ADAMTSL3: variants seen among roughly 807,000 people sequenced by gnomAD.
The protein encoded by ADAMTSL3 is ADAMTS-like protein 3.
Under a neutral mutation model 201.7 loss-of-function variants are expected in ADAMTSL3, and 128 were observed. The observed-to-expected ratio is 0.63, with a 90% CI of 0.55 to 0.73. The LOEUF (loss-of-function observed/expected upper bound fraction) is 0.73. ADAMTSL3 is among the 30% of genes least tolerant of loss of function. The pLI, the probability that ADAMTSL3 is intolerant of heterozygous loss-of-function variation, is 0.00. For synonymous variants in ADAMTSL3, 738 were observed against 748.4 expected (o/e 0.99, Z 0.23); for missense variants, 1,990 against 2,119.6 (o/e 0.94, Z 1.20).
chr15:83,715,150 A>G (rs955336391), intron 3 of ADAMTSL3, among the ~76,000 whole-genome samples: 4 of 152,076 alleles, frequency 2.6e-5, no homozygotes, highest in African/African-American at 9.7e-5. Context: ...TGCATCATGA[A>G]CTGTTTCAAG....
At chr15:83,941,485 T>C (rs2066559046) in intron 17 of ADAMTSL3, among the ~76,000 whole-genome samples, 1 of 152,132 alleles carries the variant, frequency 6.6e-6, no homozygotes, top group Admixed American at 6.5e-5. Context: ...ATTATTCAGA[T>C]TTTTTTCTGC....
At chr15:83,907,507 A>G (rs1258430477) in intron 15 of ADAMTSL3, among the ~76,000 whole-genome samples, 5 of 152,168 alleles carry the variant, frequency 3.3e-5, no homozygotes, top group South Asian at 2.1e-4. Context: ...GCTTCAAGCA[A>G]TTCTGCCTCA....
rs778387761 is a variant in ADAMTSL3 at position 83,858,796 on chromosome 15, G to A, written c.758G>A (p.Gly253Glu). The change falls in exon 8 of 30, where the codon GGA becomes GAA. Residue 253 changes from glycine to glutamate, a missense_variant. By Grantham distance (98) the Gly-to-Glu change is moderately conservative. Coordinates refer to ENST00000286744, the MANE Select transcript of ADAMTSL3 (RefSeq NM_207517.3). ...REENVIAVPL[G>E]SRSVRITVKG... ...GAAAATGTAATTGCTGTTCCTTTGGGAAGTCGAAGTGTGAGAATTACAGTG... is the reference window on the plus strand; with the variant it reads ...GAAAATGTAATTGCTGTTCCTTTGGAAAGTCGAAGTGTGAGAATTACAGTG... 1.9e-6 allele frequency: 3 copies of A among 1,613,798 alleles called. No homozygotes were observed. The highest frequency in any genetic ancestry group is 1.3e-5 in the African/African-American group (1 of 75,016).
intron 27 of ADAMTSL3, among the ~76,000 whole-genome samples, chr15:84,026,904 A>G (rs2068321655): frequency 1.3e-5 from 2 of 152,232 alleles, no homozygotes; most frequent in Admixed American, 1.3e-4. Context: ...ATAAGCAACA[A>G]CAACAAAAAT....
intron 3 of ADAMTSL3, chr15:83,740,173 CAGGG>C: frequency 4.1e-6 from 1 of 245,282 alleles, no homozygotes. Context: ...GACCAGTGCA[CAGGG>C]CTTTAGGGTT....
chr15:83,934,786 C>T (rs984177550), intron 17 of ADAMTSL3, among the ~76,000 whole-genome samples: 7 of 151,916 alleles, frequency 4.6e-5, no homozygotes, highest in Non-Finnish European at 7.4e-5. Flanking sequence ...CAAAAATATG[C>T]TAAGAAAAGA....
intron 3 of ADAMTSL3, among the ~76,000 whole-genome samples, chr15:83,747,866 C>G (rs1410302350): frequency 1.3e-5 from 2 of 150,940 alleles, no homozygotes; most frequent in Non-Finnish European, 2.9e-5. Context: ...CATGGGTCAT[C>G]CTAGATGGAC....
chr15:83,798,361 A>G (rs12441269), intron 4 of ADAMTSL3, among the ~76,000 whole-genome samples: 22,763 of 152,220 alleles, frequency 0.15, 2,289 homozygotes, highest in Middle Eastern at 0.32. Context: ...ATGTGTATAT[A>G]TGTATTTGTG....
At chr15:83,969,874 CT>C (rs1283405953) in intron 19 of ADAMTSL3, among the ~76,000 whole-genome samples, 1 of 152,152 alleles carries the variant, frequency 6.6e-6, no homozygotes, top group Non-Finnish European at 1.5e-5. Context: ...GAAGGTAGAT[CT>C]TATGTGAAGT....
At chr15:83,732,866 C>T (rs1370462275) in intron 3 of ADAMTSL3, among the ~76,000 whole-genome samples, 1 of 152,038 alleles carries the variant, frequency 6.6e-6, no homozygotes, top group Non-Finnish European at 1.5e-5. Flanking sequence ...GATATGGTGT[C>T]ATTCCGAATG....
chr15:83,827,217 A>G (rs1471521750), intron 6 of ADAMTSL3, among the ~76,000 whole-genome samples: 1 of 152,138 alleles, frequency 6.6e-6, no homozygotes, highest in African/African-American at 2.4e-5. Flanking sequence ...CTGGTGTGAG[A>G]TGGTATCTCA....
At chr15:83,890,597 A>C (rs1230121514) in intron 11 of ADAMTSL3, 1 of 195,734 alleles carries the variant, frequency 5.1e-6, no homozygotes. Context: ...ACTCATTATC[A>C]TCTTTTGGCT....
chr15:83,762,290 G>A (rs2062820021), intron 3 of ADAMTSL3, among the ~76,000 whole-genome samples: 1 of 152,182 alleles, frequency 6.6e-6, no homozygotes, highest in African/African-American at 2.4e-5. Context: ...AGGGAGTAGA[G>A]TTTAGACACT....
At chr15:83,891,990 G>A (rs936282924) in intron 12 of ADAMTSL3, among the ~76,000 whole-genome samples, 5 of 152,158 alleles carry the variant, frequency 3.3e-5, no homozygotes, top group Non-Finnish European at 5.9e-5. Flanking sequence ...TAAGGCAGGC[G>A]GATCACTTGA....
intron 23 of ADAMTSL3, among the ~76,000 whole-genome samples, chr15:84,003,207 T>C (rs952750142): frequency 6.6e-6 from 1 of 151,980 alleles, no homozygotes; most frequent in African/African-American, 2.4e-5. Flanking sequence ...TACCTCAGCC[T>C]CCCAAAGTAC....
chr15:83,850,305 C>G (rs545734711), intron 7 of ADAMTSL3, among the ~76,000 whole-genome samples: 100 of 152,106 alleles, frequency 6.6e-4, no homozygotes, highest in African/African-American at 2.3e-3. Flanking sequence ...CCCTCTCTTT[C>G]CTTTATCTTC....
At chr15:83,741,193 G>T (rs12593547) in intron 3 of ADAMTSL3, among the ~76,000 whole-genome samples, 16,674 of 150,582 alleles carry the variant, frequency 0.11, 1,056 homozygotes, top group East Asian at 0.28. Flanking sequence ...TTAATAGATA[G>T]CAATTAGTTA....
intron 10 of ADAMTSL3, among the ~76,000 whole-genome samples, chr15:83,887,797 C>T (rs1260015397): frequency 6.6e-6 from 1 of 152,138 alleles, no homozygotes; most frequent in Non-Finnish European, 1.5e-5. Context: ...CACTATGTTG[C>T]CCAGGCTGGT....
chr15:83,727,230 T>C (rs1382991380), intron 3 of ADAMTSL3, among the ~76,000 whole-genome samples: 1 of 151,936 alleles, frequency 6.6e-6, no homozygotes, highest in Non-Finnish European at 1.5e-5. Flanking sequence ...TTCTTTGGTG[T>C]CTCTTATAAT....
Sources: allele counts gnomAD v4.1 joint callset (sites outside exome capture counted in the v4.1 genomes callset), GRCh38; gene constraint gnomAD v4.1.1; transcripts MANE v1.5; gene names NCBI Gene and HGNC (gene_info 2026-07-23, HGNC 2026-07-21).